USP10: variants seen among roughly 807,000 people sequenced by gnomAD.
USP10 encodes ubiquitin carboxyl-terminal hydrolase 10.
USP10 carries 22 observed loss-of-function variants against 84.5 expected under a neutral mutation model. The ratio of observed to expected loss-of-function variants is 0.26; its 90% CI spans 0.19 to 0.37. The LOEUF (loss-of-function observed/expected upper bound fraction) is 0.37. Ranked by LOEUF, USP10 falls within the 10% of genes least tolerant of loss-of-function variation. The pLI, the probability that USP10 is intolerant of heterozygous loss-of-function variation, is 1.00. For missense variants in USP10, 1,019 were observed against 998.9 expected (o/e 1.02, Z -0.27); for synonymous variants, 454 against 387.6 (o/e 1.17, Z -2.01).
intron 2 of USP10, among the ~76,000 whole-genome samples, chr16:84,737,261 C>T (rs12933276): frequency 0.17 from 25,782 of 152,214 alleles, 2,524 homozygotes; most frequent in Middle Eastern, 0.31. Flanking sequence ...TCACACTGTG[C>T]GTTTAGCATA....
At chr16:84,723,453 C>T (rs1908071055) in intron 1 of USP10, among the ~76,000 whole-genome samples, 1 of 152,274 alleles carries the variant, frequency 6.6e-6, no homozygotes, top group Admixed American at 6.5e-5. Context: ...ATAATAAAAA[C>T]ATGAGAATAA....
intron 2 of USP10, among the ~76,000 whole-genome samples, chr16:84,739,019 G>C (rs1016017265): frequency 1.4e-4 from 22 of 151,942 alleles, no homozygotes; most frequent in Admixed American, 2.6e-4. Flanking sequence ...CCCTCAGGTA[G>C]CAGTTTATCT....
At chr16:84,736,219 G>A (rs1427071453) in intron 2 of USP10, among the ~76,000 whole-genome samples, 4 of 152,190 alleles carry the variant, frequency 2.6e-5, no homozygotes, top group Admixed American at 6.5e-5. Flanking sequence ...CAATCTAGTC[G>A]AATTTTTCAT....
rs1424398153 is a variant in USP10 at position 84,758,890 on chromosome 16, G to A, written c.1284+83G>A. 41 of 959,226 alleles carry A rather than the reference G, an allele frequency of 4.3e-5. No individual in the cohort carries two copies. In the East Asian group the frequency reaches 8.1e-4, roughly 19 times the overall value. 59.4% of individuals were successfully genotyped at this position (959,226 alleles called of 1,614,324 possible). On this transcript the variant is annotated intron_variant, in intron 5 of 13. Coordinates refer to ENST00000219473, the MANE Select transcript of USP10 (RefSeq NM_005153.3). ...GTGCATGTGACTTAGCTCAGCTTCC[G>A]TGGGCCATCTAGCTCTCCATTTGAA...
At chr16:84,704,478 T>G (rs1179596391) in intron 1 of USP10, among the ~76,000 whole-genome samples, 2 of 152,378 alleles carry the variant, frequency 1.3e-5, no homozygotes, top group East Asian at 3.9e-4. Flanking sequence ...GCAGTGTAGA[T>G]GTTCATTTCC....
intron 1 of USP10, among the ~76,000 whole-genome samples, chr16:84,723,128 C>G (rs932600000): frequency 5.3e-5 from 8 of 149,916 alleles, no homozygotes; most frequent in Admixed American, 1.3e-4. Flanking sequence ...GCTCCGATAC[C>G]TTCTGATCAC....
chr16:84,743,688 G>A (rs1469219221), intron 3 of USP10, among the ~76,000 whole-genome samples: 2 of 152,104 alleles, frequency 1.3e-5, no homozygotes, highest in African/African-American at 4.8e-5. Flanking sequence ...ATTGATGCTT[G>A]ATTTCTGTTG....
rs1912864762 is a variant in USP10 at position 84,758,702 on chromosome 16, C to T, written c.1193-14C>T. The stretch of plus-strand genomic sequence containing the variant: ...TGTCATCAATTTCTGAAATATGCTT[C>T]TTCACTCTTTCAGAGTTGCTGGAGA... On this transcript the variant is annotated splice_polypyrimidine_tract_variant and intron_variant, in intron 4 of 13. Transcript: ENST00000219473. 6.3e-7 allele frequency: 1 copy of T among 1,578,070 alleles called. No homozygotes were observed. Among genetic ancestry groups the T allele is most frequent in the Non-Finnish European group, 8.7e-7 (1 of 1,147,126 alleles).
At position 84,741,574 on chromosome 16, in the gene USP10, C is replaced by G. The variant is rs1196245425; in HGVS notation, c.151+1205C>G. On this transcript the variant is annotated intron_variant, in intron 3 of 13. Coordinates refer to ENST00000219473, the MANE Select transcript of USP10 (RefSeq NM_005153.3). ...ACCAGCTCCCCCAGCCTCTGGAGTT[C>G]TGCTTCCCCCTCCCTCCTTCCAGCC... 2.6e-5 allele frequency among the ~76,000 whole-genome samples: 4 copies of G among 152,228 alleles called. No individual in the cohort carries two copies. In the South Asian group the frequency reaches 8.3e-4, roughly 32 times the overall value.
chr16:84,773,877 C>T (rs756204719), intron 12 of USP10, among the ~76,000 whole-genome samples: 39 of 152,292 alleles, frequency 2.6e-4, no homozygotes, highest in Admixed American at 4.6e-4. Flanking sequence ...TGTTTTGCTA[C>T]AGTGATTTTA....
At chr16:84,768,549 G>A (rs917450268) in intron 11 of USP10, among the ~76,000 whole-genome samples, 191 bp downstream of exon 11, 1 of 152,144 alleles carries the variant, frequency 6.6e-6, no homozygotes, top group Non-Finnish European at 1.5e-5. Context: ...GCCTCTTTTA[G>A]CTCTAAATCA....
intron 12 of USP10, among the ~76,000 whole-genome samples, chr16:84,774,322 C>T (rs555976201): frequency 8.5e-5 from 13 of 152,228 alleles, no homozygotes; most frequent in South Asian, 2.1e-4. Flanking sequence ...ATGGCTGCCT[C>T]GAACAGCATG....
chr16:84,744,046 T>G (rs890584938), intron 3 of USP10, among the ~76,000 whole-genome samples: 1 of 151,504 alleles, frequency 6.6e-6, no homozygotes, highest in South Asian at 2.1e-4. Flanking sequence ...TATAGGATTC[T>G]TTGTTGTTGT....
chr16:84,704,452 CTT>C (rs1157618484), intron 1 of USP10, among the ~76,000 whole-genome samples: 1 of 152,222 alleles, frequency 6.6e-6, no homozygotes, highest in Non-Finnish European at 1.5e-5. Context: ...TCATTTGTCA[CTT>C]TAGTGCCACT....
chr16:84,766,367 C>A (rs1022519070), intron 10 of USP10, among the ~76,000 whole-genome samples: 4 of 152,226 alleles, frequency 2.6e-5, no homozygotes, highest in African/African-American at 9.6e-5. Context: ...CAGTTGTCAC[C>A]TGGGAAACAC....
In USP10 at chr16:84,745,000, A is replaced by T. The variant is rs763411564; in HGVS notation, c.519A>T (p.Thr173=). 3 of 1,613,870 alleles carry T rather than the reference A, an allele frequency of 1.9e-6. No individual in the cohort carries two copies. The highest frequency in any genetic ancestry group is 1.7e-5 in the Admixed American group (1 of 60,024). The change falls in exon 4 of 14, where the codon ACA becomes ACT. Residue 173 remains threonine (T), a synonymous_variant. Coordinates refer to ENST00000219473, the MANE Select transcript of USP10 (RefSeq NM_005153.3). ...LKDGGDDSIS[T]EALVNGHANS... Reference sequence around the variant, plus strand: ...ATGGTGGCGATGATAGTATCTCCACAGAAGCCCTGGTCAATGGCCATGCCA... The same window carrying T: ...ATGGTGGCGATGATAGTATCTCCACTGAAGCCCTGGTCAATGGCCATGCCA...
At chr16:84,762,935 A>T (rs1913377629) in intron 8 of USP10, 54 bp from the exon 9 acceptor site, 2 of 1,122,150 alleles carry the variant, frequency 1.8e-6, no homozygotes, top group African/African-American at 1.5e-5. Context: ...CATGTCCTGC[A>T]GGCCTTTGAC....
At chr16:84,774,683 G>A (rs1914807518) in intron 12 of USP10, among the ~76,000 whole-genome samples, 1 of 152,060 alleles carries the variant, frequency 6.6e-6, no homozygotes, top group Non-Finnish European at 1.5e-5. Context: ...TATTAGCCAG[G>A]ATGGTCTCGA....
chr16:84,778,649 G>T (rs1388340461), intron 13 of USP10, among the ~76,000 whole-genome samples: 1 of 152,136 alleles, frequency 6.6e-6, no homozygotes, highest in Non-Finnish European at 1.5e-5. Context: ...GTTAATATGC[G>T]TACATGCACA....
Sources: allele counts gnomAD v4.1 joint callset (sites outside exome capture counted in the v4.1 genomes callset), GRCh38; gene constraint gnomAD v4.1.1; transcripts MANE v1.5; gene names NCBI Gene and HGNC (gene_info 2026-07-23, HGNC 2026-07-21).